Variants in CCDC85A observed in about 807,000 individuals in gnomAD.
The protein encoded by CCDC85A is coiled-coil domain containing 85A, also known as coiled-coil domain-containing protein 85A.
CCDC85A carries 38 observed loss-of-function variants against 50.2 expected under a neutral mutation model. The observed-to-expected ratio is 0.76, with a 90% CI of 0.58 to 0.99. The LOEUF (loss-of-function observed/expected upper bound fraction) is 0.99, where lower values mean the gene tolerates loss of function less well. Among genes scored for constraint, CCDC85A ranks in the 50% least tolerant of loss-of-function variants. CCDC85A has a pLI of 0.00. For synonymous variants in CCDC85A, 366 were observed against 301.4 expected (o/e 1.21, Z -2.22); for missense variants, 820 against 742.0 (o/e 1.11, Z -1.22).
At chr2:56,189,418 G>C (rs1006916562) in intron 1 of CCDC85A, among the ~76,000 whole-genome samples, 21 of 150,338 alleles carry the variant, frequency 1.4e-4, no homozygotes, top group African/African-American at 4.9e-4. Context: ...CAGGTTCCTG[G>C]GTACCTGGGA....
chr2:56,242,150 A>G (rs1443179089), intron 2 of CCDC85A, among the ~76,000 whole-genome samples: 1 of 152,054 alleles, frequency 6.6e-6, no homozygotes, highest in African/African-American at 2.4e-5. Context: ...GTCTATTCAG[A>G]TCTTTTGTCA....
At chr2:56,345,597 T>G (rs1167217100) in intron 3 of CCDC85A, among the ~76,000 whole-genome samples, 2 of 152,172 alleles carry the variant, frequency 1.3e-5, no homozygotes, top group African/African-American at 4.8e-5. Context: ...CAGCTACTCC[T>G]ATAAATACAA....
At chr2:56,220,414 A>G (rs1046989922) in intron 2 of CCDC85A, among the ~76,000 whole-genome samples, 2 of 152,050 alleles carry the variant, frequency 1.3e-5, no homozygotes, top group African/African-American at 4.8e-5. Flanking sequence ...AGAGAACAAG[A>G]TGTGATTATT....
chr2:56,245,339 G>A (rs1384919755), intron 2 of CCDC85A, among the ~76,000 whole-genome samples: 1 of 152,182 alleles, frequency 6.6e-6, no homozygotes, highest in African/African-American at 2.4e-5. Flanking sequence ...TGGCAGCACT[G>A]AATTCCAAAA....
At chr2:56,291,319 G>A (rs1437196526) in intron 2 of CCDC85A, among the ~76,000 whole-genome samples, 3 of 152,200 alleles carry the variant, frequency 2.0e-5, no homozygotes, top group Non-Finnish European at 2.9e-5. Context: ...TCCATTAGGA[G>A]ACAGGCACTG....
Position 56,265,728 on chromosome 2 carries a change from AGTGTGGAG to A in CCDC85A, c.1240+72292_1240+72299del, listed in dbSNP as rs1430879328. Among the ~76,000 whole-genome samples, 5 of 152,300 alleles carry A rather than the reference AGTGTGGAG, an allele frequency of 3.3e-5. No homozygotes were observed. The East Asian group carries it at 9.6e-4, about 29-fold the overall frequency. On this transcript the variant is annotated intron_variant, in intron 2 of 5. Transcript: ENST00000407595. ...AATTAGTACAGACATTATGGAAAAC[AGTGTGGAG>A]GTGCCTCAAAAAACTAAAAATGGAA...
intron 2 of CCDC85A, among the ~76,000 whole-genome samples, chr2:56,220,547 T>C (rs1368340332): frequency 6.6e-6 from 1 of 152,056 alleles, no homozygotes; most frequent in Non-Finnish European, 1.5e-5. Flanking sequence ...CAGGGAGTGG[T>C]TCTTTGTTCT....
intron 5 of CCDC85A, among the ~76,000 whole-genome samples, chr2:56,379,247 G>A (rs1676474084): frequency 6.6e-6 from 1 of 152,102 alleles, no homozygotes; most frequent in South Asian, 2.1e-4. Context: ...ACATGTCCAG[G>A]CAAGAACTGC....
chr2:56,366,707 G>C (rs909354160), intron 3 of CCDC85A, among the ~76,000 whole-genome samples: 5 of 152,104 alleles, frequency 3.3e-5, no homozygotes, highest in Non-Finnish European at 5.9e-5. Flanking sequence ...ACAGCACTTA[G>C]GGTAGTGCTA....
intron 2 of CCDC85A, among the ~76,000 whole-genome samples, chr2:56,328,491 G>C (rs757587894): frequency 2.0e-5 from 3 of 152,044 alleles, no homozygotes; most frequent in Admixed American, 6.6e-5. Flanking sequence ...ACAGCTCTTC[G>C]CTGTGGACTT....
chr2:56,193,400 C>T lies in CCDC85A; in HGVS notation c.1200C>T (p.Asp400=), dbSNP rs1676394769. 2 of 1,610,300 alleles carry T rather than the reference C, an allele frequency of 1.2e-6. No homozygotes were observed. The highest frequency in any genetic ancestry group is 2.2e-5 in the East Asian group (1 of 44,758). ...CCCTCAGACGGCAGGCACAGGAGGA[C>T]GGGTCACCCCATCACCGGAATGTCT... ...EGTLRRQAQE[D]GSPHHRNVYS... Residue 400 remains aspartate (D), a synonymous_variant, in exon 2 of 6, where the codon GAC becomes GAT. Coordinates refer to ENST00000407595, the MANE Select transcript of CCDC85A (RefSeq NM_001080433.2).
intron 2 of CCDC85A, among the ~76,000 whole-genome samples, chr2:56,323,491 T>A (rs1227166367): frequency 1.3e-5 from 2 of 151,886 alleles, no homozygotes; most frequent in African/African-American, 2.4e-5. Context: ...GAACAGAAGA[T>A]AATGACAGAA....
At chr2:56,215,881 A>G (rs1407377999) in intron 2 of CCDC85A, among the ~76,000 whole-genome samples, 1 of 151,900 alleles carries the variant, frequency 6.6e-6, no homozygotes, top group Non-Finnish European at 1.5e-5. Flanking sequence ...AAGTGGTTGG[A>G]AAAGATCTAA....
intron 5 of CCDC85A, 67 bp downstream of exon 5, chr2:56,376,002 A>C: frequency 6.5e-7 from 1 of 1,545,550 alleles, no homozygotes; most frequent in South Asian, 1.2e-5. Flanking sequence ...GCTGTAGTCT[A>C]GTAGTCCTCA....
intron 2 of CCDC85A, among the ~76,000 whole-genome samples, chr2:56,232,197 GA>G (rs1304895504): frequency 6.6e-6 from 1 of 152,052 alleles, no homozygotes; most frequent in Non-Finnish European, 1.5e-5. Flanking sequence ...GTGAACACCT[GA>G]TACCTATTCA....
intron 2 of CCDC85A, among the ~76,000 whole-genome samples, chr2:56,238,111 G>T (rs932254461): frequency 6.6e-6 from 1 of 152,206 alleles, no homozygotes; most frequent in Non-Finnish European, 1.5e-5. Flanking sequence ...TATGCATACT[G>T]CCAGACGGTA....
chr2:56,208,678 CTAA>C (rs1421508727), intron 2 of CCDC85A, among the ~76,000 whole-genome samples: 4 of 151,994 alleles, frequency 2.6e-5, no homozygotes, highest in Non-Finnish European at 1.5e-5. Context: ...AGGCTTCAGG[CTAA>C]TGTTTTTCAA....
chr2:56,208,716 A>G (rs1405615052), intron 2 of CCDC85A, among the ~76,000 whole-genome samples: 2 of 152,028 alleles, frequency 1.3e-5, no homozygotes, highest in African/African-American at 4.8e-5. Flanking sequence ...TTCCTCCTCT[A>G]GGCTCACCCA....
chr2:56,250,408 G>A (rs142888467), intron 2 of CCDC85A, among the ~76,000 whole-genome samples: 1 of 152,268 alleles, frequency 6.6e-6, no homozygotes, highest in African/African-American at 2.4e-5. Flanking sequence ...AAAGTAAACT[G>A]TCTGCTTGAA....
Sources: gnomAD v4.1 joint callset for allele counts (sites outside exome capture counted in the v4.1 genomes callset) on GRCh38, gnomAD v4.1.1 for gene constraint, MANE v1.5 for transcripts, NCBI Gene and HGNC (gene_info 2026-07-23, HGNC 2026-07-21) for gene names.